Variants in ZBTB11 observed in about 807,000 individuals in gnomAD.
The protein encoded by ZBTB11 is zinc finger and BTB domain-containing protein 11.
Under a neutral mutation model 113.1 loss-of-function variants are expected in ZBTB11, and 68 were observed. That is an observed-to-expected ratio of 0.60 (90% CI 0.49 to 0.74). ZBTB11 has a LOEUF of 0.74. Ranked by LOEUF, ZBTB11 falls within the 30% of genes least tolerant of loss-of-function variation. The pLI is 0.00. For synonymous variants in ZBTB11, 518 were observed against 452.6 expected, an observed-to-expected ratio of 1.14 and a Z score of -1.83; for missense variants, 1,104 against 1,279.4, an observed-to-expected ratio of 0.86 and a Z score of 2.09.
rs777460031 is a variant in ZBTB11, at chr3:101,665,435, A to G, written c.1152T>C (p.Pro384=). The G allele has an allele frequency of 2.5e-5, 41 of 1,614,094 alleles. No individual in the cohort carries two copies. The highest frequency in any genetic ancestry group is 3.5e-5 in the Non-Finnish European group (41 of 1,180,050). ...AEQNGEVGRQ[P]EPQVSSEAES... is the part of the protein sequence containing the mutation. ...CAGCCTCTGAAGAAACCTGGGGCTC[A>G]GGCTGTCGTCCTACCTCTCCATTCT... Residue 384 remains proline (P), a synonymous_variant, in exon 4 of 11, where the codon CCT becomes CCC. Coordinates refer to ENST00000312938, the MANE Select transcript of ZBTB11 (RefSeq NM_014415.4).
chr3:101,663,939 TCTTC>T (rs1936936597), intron 5 of ZBTB11, among the ~76,000 whole-genome samples: 2 of 151,936 alleles, frequency 1.3e-5, no homozygotes. Context: ...AAGCTTTTAC[TCTTC>T]CCTGTTTTGA....
chr3:101,668,164 A>C (rs1183909911), intron 3 of ZBTB11, among the ~76,000 whole-genome samples: 1 of 151,784 alleles, frequency 6.6e-6, no homozygotes, highest in African/African-American at 2.4e-5. Flanking sequence ...CTTAGATCAT[A>C]CAAGTAGAGA....
At chr3:101,673,334 G>A (rs1370023156) in intron 1 of ZBTB11, among the ~76,000 whole-genome samples, 1 of 152,118 alleles carries the variant, frequency 6.6e-6, no homozygotes, top group East Asian at 1.9e-4. Context: ...CAGAAGTCAT[G>A]GGATTTTCGG....
At chr3:101,668,590 C>CT (rs1395629302) in intron 3 of ZBTB11, among the ~76,000 whole-genome samples, 1 of 147,048 alleles carries the variant, frequency 6.8e-6, no homozygotes, top group Admixed American at 6.9e-5. Flanking sequence ...CCACTGCACT[C>CT]TAGCCTAGGG....
chr3:101,659,524 T>A (rs1397487618), intron 6 of ZBTB11, among the ~76,000 whole-genome samples: 1 of 152,190 alleles, frequency 6.6e-6, no homozygotes, highest in Non-Finnish European at 1.5e-5. Context: ...GATAAACTGG[T>A]TATTTTTCAC....
At position 101,676,778 on chromosome 3, in the gene ZBTB11, G is replaced by C. The variant is rs751220389; in HGVS notation, c.137C>G (p.Thr46Ser). The C allele has an allele frequency of 1.9e-6, 3 of 1,610,916 alleles. No homozygotes were observed. The Admixed American group carries it at 5.0e-5, about 27-fold the overall frequency. ...AAACYVVRGG[T>S]LYYQRRQRHR... ...CCGCTGCCGCCGCTGGTAATACAGA[G>C]TCCCGCCGCGCACCACGTAGCAGGC... Residue 46 changes from threonine to serine, a missense_variant, in exon 1 of 11, where the codon ACT becomes AGT. Physicochemically the swap from Thr to Ser is moderately conservative, Grantham distance 58 (BLOSUM62 1). This residue lies in a region of ZBTB11 where 245 missense variants were observed against 272.5 expected (regional missense o/e 0.90). Transcript: ENST00000312938.
intron 2 of ZBTB11, 103 bp downstream of exon 2, chr3:101,671,875 T>C: frequency 1.2e-6 from 1 of 851,832 alleles, no homozygotes; most frequent in Non-Finnish European, 2.0e-6. Flanking sequence ...TTTTGTCTTA[T>C]TCAATAAGCA....
intron 5 of ZBTB11, among the ~76,000 whole-genome samples, chr3:101,664,312 T>C (rs1221336681): frequency 2.6e-5 from 4 of 152,236 alleles, no homozygotes; most frequent in Non-Finnish European, 4.4e-5. Flanking sequence ...ATTTTTAAAA[T>C]GATCTTTTTA....
In ZBTB11 at chr3:101,652,798, G is replaced by C; in HGVS notation, c.2450C>G (p.Ser817Cys). 1 of 1,613,720 alleles carries C rather than the reference G, an allele frequency of 6.2e-7. No homozygotes were observed. Among genetic ancestry groups the C allele is most frequent in the Non-Finnish European group, 8.5e-7 (1 of 1,179,928 alleles). The change falls in exon 9 of 11, where the codon TCT (serine) becomes TGT (cysteine). Residue 817 changes from serine to cysteine, a missense_variant. Coordinates refer to ENST00000312938, the MANE Select transcript of ZBTB11 (RefSeq NM_014415.4). The stretch of plus-strand genomic sequence containing the variant: ...TACTCACCTATAAGGCTCAGTGACA[G>C]AATGAGACTTCACATGGGAATACCA... ...KDWYSHVKSH[S>C]VTEPYRCNIC...
chr3:101,650,626 G>GT lies in ZBTB11; in HGVS notation c.*539dup, dbSNP rs1289222750. Reference sequence around the variant, plus strand: ...GACTTAAAAGGGGATAAAATAAATAGTAAGTCAAGAATCACAGATCTAAAG... The same window carrying GT: ...GACTTAAAAGGGGATAAAATAAATAGTTAAGTCAAGAATCACAGATCTAAAG... On this transcript the variant is annotated 3_prime_UTR_variant, in exon 11 of 11. Transcript: ENST00000312938. The GT allele has an allele frequency of 6.6e-6, 1 of 152,522 alleles. No homozygotes were observed. Among genetic ancestry groups the GT allele is most frequent in the African/African-American group, 2.4e-5 (1 of 41,418 alleles). The allele number at this position is 152,522 out of a possible 1,614,324, so 9.4% of individuals were successfully genotyped here. A position where few individuals can be genotyped will look rare whatever the true frequency, so the allele number is the denominator to read the frequency against.
intron 1 of ZBTB11, among the ~76,000 whole-genome samples, chr3:101,673,944 A>G (rs1408043441): frequency 1.3e-5 from 2 of 152,112 alleles, no homozygotes; most frequent in African/African-American, 2.4e-5. Context: ...GCTATATGCA[A>G]TTGACATTTA....
At chr3:101,655,491 T>C (rs1936779908) in intron 7 of ZBTB11, among the ~76,000 whole-genome samples, 1 of 152,226 alleles carries the variant, frequency 6.6e-6, no homozygotes, top group Non-Finnish European at 1.5e-5. Context: ...AGCCAACTAC[T>C]ATGTTGACAT....
At chr3:101,654,285 C>A (rs757932426) in intron 8 of ZBTB11, among the ~76,000 whole-genome samples, 41 of 152,190 alleles carry the variant, frequency 2.7e-4, no homozygotes, top group Non-Finnish European at 2.4e-4. Context: ...AGATGATCTG[C>A]CCGCCTTGGC....
At chr3:101,667,146 C>G (rs1937010420) in intron 3 of ZBTB11, among the ~76,000 whole-genome samples, 1 of 152,302 alleles carries the variant, frequency 6.6e-6, no homozygotes, top group East Asian at 1.9e-4. Flanking sequence ...CTTGACCTCC[C>G]AGGCTCAAGC....
intron 5 of ZBTB11, among the ~76,000 whole-genome samples, chr3:101,661,677 CTTATT>C (rs927142646): frequency 5.3e-5 from 8 of 152,188 alleles, no homozygotes; most frequent in Non-Finnish European, 8.8e-5. Context: ...CCTCTGGCAA[CTTATT>C]TTATTTTTGT....
chr3:101,665,530 T>G lies in ZBTB11; in HGVS notation c.1057A>C (p.Ser353Arg). The G allele has an allele frequency of 6.2e-7, 1 of 1,614,136 alleles. No individual in the cohort carries two copies. Among genetic ancestry groups the G allele is most frequent in the South Asian group, 1.1e-5 (1 of 91,080 alleles). Residue 353 changes from serine (S) to arginine (R), a missense_variant, in exon 4 of 11, where the codon AGT becomes CGT. Ser to Arg is a moderately radical substitution (Grantham distance 110). Around this residue, in one of 5 missense-constraint regions of ZBTB11, gnomAD observed 535 missense variants for 518.6 expected, o/e 1.03. Transcript: ENST00000312938. ...CAATCCCCAAGTTCAGTAGGTAAAC[T>G]TGTTGTGGTTCCCTCACTGCTAGCA... ...PVASSEGTTT[S>R]LPTELGDCEI...
intron 6 of ZBTB11, among the ~76,000 whole-genome samples, chr3:101,658,063 G>A (rs990428990): frequency 5.3e-5 from 8 of 152,044 alleles, no homozygotes; most frequent in African/African-American, 1.9e-4. Flanking sequence ...CAATTCAGTT[G>A]CAAAAATATG....
chr3:101,659,239 TCAAAA>T (rs998932835), intron 6 of ZBTB11, among the ~76,000 whole-genome samples: 3 of 152,194 alleles, frequency 2.0e-5, no homozygotes, highest in African/African-American at 7.2e-5. Flanking sequence ...AGACCTTGTC[TCAAAA>T]CAGACAAAAA....
rs755674740 is a variant in ZBTB11 at position 101,665,551 on chromosome 3, T to C, written c.1036A>G (p.Ser346Gly). ...AAACTTGTTGTGGTTCCCTCACTGC[T>C]AGCAACAGGAGGTGCTGTACCTCCA... ...QNGGTAPPVA[S>G]SEGTTTSLPT... is the part of the protein sequence containing the mutation. The change falls in exon 4 of 11, where the codon AGC (serine) becomes GGC (glycine). Residue 346 changes from serine (S) to glycine (G), a missense_variant. Ser to Gly is a moderately conservative substitution (Grantham distance 56, BLOSUM62 0). This residue lies in a region of ZBTB11 where 535 missense variants were observed against 518.6 expected (regional missense o/e 1.03). Coordinates refer to ENST00000312938, the MANE Select transcript of ZBTB11 (RefSeq NM_014415.4). 9.9e-6 allele frequency: 16 copies of C among 1,614,246 alleles called. No individual in the cohort carries two copies. In the Admixed American group the frequency reaches 2.7e-4, roughly 27 times the overall value.
Sources: allele counts gnomAD v4.1 joint callset (sites outside exome capture counted in the v4.1 genomes callset), GRCh38; gene constraint gnomAD v4.1.1; regional missense constraint gnomAD v4.1.1; transcripts MANE v1.5; gene names NCBI Gene and HGNC (gene_info 2026-07-23, HGNC 2026-07-21).